The following TDRP variants were observed in gnomAD, a reference collection of about 807,000 sequenced individuals.
The protein encoded by TDRP is testis development related protein, also known as testis development-related protein.
Under a neutral mutation model 10.5 loss-of-function variants are expected in TDRP, and 12 were observed. The ratio of observed to expected loss-of-function variants is 1.15; its 90% CI spans 0.73 to 1.86. The LOEUF (loss-of-function observed/expected upper bound fraction) is 1.86. Among genes scored for constraint, TDRP ranks in the 40% most tolerant of loss-of-function variants. The pLI, the probability that TDRP is intolerant of heterozygous loss-of-function variation, is 0.00. For missense variants in TDRP, 353 were observed against 229.2 expected (o/e 1.54, Z -3.49); for synonymous variants, 139 against 95.4 (o/e 1.46, Z -2.67).
chr8:523,568 C>A (rs545082033), intron 1 of TDRP, among the ~76,000 whole-genome samples: 3 of 152,226 alleles, frequency 2.0e-5, no homozygotes, highest in Admixed American at 1.3e-4. Context: ...GGGGAACCCA[C>A]TGCCCTGAAG....
chr8:539,877 C>T (rs1468431890), intron 1 of TDRP, among the ~76,000 whole-genome samples: 11 of 152,234 alleles, frequency 7.2e-5, no homozygotes. Context: ...CTCTCCCCAT[C>T]TCCAAGCATG....
intron 1 of TDRP, among the ~76,000 whole-genome samples, chr8:527,774 A>G (rs1220643054): frequency 2.0e-5 from 3 of 152,230 alleles, no homozygotes; most frequent in Non-Finnish European, 4.4e-5. Flanking sequence ...AAAATGGATT[A>G]AAGACTTAAA....
At chr8:509,399 C>CT (rs1172596885) in intron 1 of TDRP, among the ~76,000 whole-genome samples, 1 of 152,234 alleles carries the variant, frequency 6.6e-6, no homozygotes, top group African/African-American at 2.4e-5. Flanking sequence ...CCATACATCT[C>CT]TGAAATCTAG....
intron 1 of TDRP, among the ~76,000 whole-genome samples, chr8:501,306 A>G (rs1441704909): frequency 6.6e-6 from 1 of 152,064 alleles, no homozygotes; most frequent in Non-Finnish European, 1.5e-5. Flanking sequence ...AGTCCATGTA[A>G]TTTTAGTATT....
At chr8:536,343 T>A (rs112669569) in intron 1 of TDRP, among the ~76,000 whole-genome samples, 9 of 152,206 alleles carry the variant, frequency 5.9e-5, no homozygotes, top group African/African-American at 2.2e-4. Flanking sequence ...TCCAAATCAG[T>A]TGGCATTCAC....
At chr8:541,783 G>A (rs1182652318) in intron 1 of TDRP, among the ~76,000 whole-genome samples, 2 of 152,164 alleles carry the variant, frequency 1.3e-5, no homozygotes, top group Non-Finnish European at 2.9e-5. Flanking sequence ...GGAGCAAAAG[G>A]AAATCTCATT....
At chr8:523,083 G>C (rs779679320) in intron 1 of TDRP, among the ~76,000 whole-genome samples, 1 of 152,106 alleles carries the variant, frequency 6.6e-6, no homozygotes, top group South Asian at 2.1e-4. Context: ...AAGTCTTGTA[G>C]TAATTTTGAC....
intron 1 of TDRP, among the ~76,000 whole-genome samples, chr8:509,600 C>A (rs751749710): frequency 6.6e-6 from 1 of 152,234 alleles, no homozygotes; most frequent in Admixed American, 6.5e-5. Context: ...GCAAGGGAGC[C>A]CTGGATCTGG....
At chr8:525,807 G>C (rs1405871931) in intron 1 of TDRP, among the ~76,000 whole-genome samples, 1 of 152,182 alleles carries the variant, frequency 6.6e-6, no homozygotes, top group African/African-American at 2.4e-5. Context: ...AATGGCAGGA[G>C]TAAGTCATTA....
chr8:519,274 A>C (rs114820729), intron 1 of TDRP, among the ~76,000 whole-genome samples: 12 of 152,110 alleles, frequency 7.9e-5, no homozygotes, highest in African/African-American at 2.4e-4. Flanking sequence ...CCCCTTTGCT[A>C]TCTCTCTTCT....
intron 1 of TDRP, among the ~76,000 whole-genome samples, chr8:506,241 T>A (rs1332364475): frequency 6.6e-6 from 1 of 152,166 alleles, no homozygotes; most frequent in Non-Finnish European, 1.5e-5. Flanking sequence ...TGAAGAAATA[T>A]CTATTCATGA....
chr8:544,980 G>A (rs559466526), upstream of TDRP: 54 of 262,166 alleles, frequency 2.1e-4, no homozygotes, highest in East Asian at 2.4e-3. Flanking sequence ...ACCATCCCCA[G>A]AACCAGGCCC....
intron 1 of TDRP, among the ~76,000 whole-genome samples, chr8:511,303 A>G (rs1212745185): frequency 6.6e-6 from 1 of 151,950 alleles, no homozygotes; most frequent in Non-Finnish European, 1.5e-5. Context: ...ATATGCAAAC[A>G]GCAAACACAA....
At chr8:531,334 C>T (rs192782683) in intron 1 of TDRP, among the ~76,000 whole-genome samples, 1 of 152,268 alleles carries the variant, frequency 6.6e-6, no homozygotes, top group Non-Finnish European at 1.5e-5. Flanking sequence ...CTTTCCACTC[C>T]ACCATTGTGC....
chr8:538,396 G>A (rs1802400852), intron 1 of TDRP, among the ~76,000 whole-genome samples: 1 of 152,204 alleles, frequency 6.6e-6, no homozygotes, highest in Admixed American at 6.5e-5. Flanking sequence ...GTTGGCAGCT[G>A]TGTAGCCTTC....
At chr8:523,891 G>A (rs1315619530) in intron 1 of TDRP, among the ~76,000 whole-genome samples, 1 of 152,186 alleles carries the variant, frequency 6.6e-6, no homozygotes, top group Non-Finnish European at 1.5e-5. Flanking sequence ...CTGAAAGGAA[G>A]GATATAAGCC....
chr8:542,463 G>C (rs899538461), intron 1 of TDRP, among the ~76,000 whole-genome samples: 4 of 152,106 alleles, frequency 2.6e-5, no homozygotes, highest in African/African-American at 9.7e-5. Context: ...GGATCCATGA[G>C]AACTCTCTGT....
chr8:530,771 G>A lies in TDRP; in HGVS notation c.108+13879C>T, dbSNP rs571396957. The stretch of plus-strand genomic sequence containing the variant: ...TGGTTCTCTCAGCGCTCTGAGTCAG[G>A]CAAAACAGGAATCAGTCTCTTGGGC... On this transcript the variant is annotated intron_variant, in intron 1 of 2. Coordinates refer to ENST00000324079, the MANE Select transcript of TDRP (RefSeq NM_001384899.1). 2.6e-5 allele frequency among the ~76,000 whole-genome samples: 4 copies of A among 152,236 alleles called. No homozygotes were observed. The Middle Eastern group carries it at 0.01, about 388-fold the overall frequency.
intron 1 of TDRP, among the ~76,000 whole-genome samples, chr8:523,845 C>G (rs971232576): frequency 6.6e-6 from 1 of 152,138 alleles, no homozygotes; most frequent in African/African-American, 2.4e-5. Flanking sequence ...GACAGCATCC[C>G]TAGATACATC....
Sources: allele counts gnomAD v4.1 joint callset (sites outside exome capture counted in the v4.1 genomes callset), GRCh38; gene constraint gnomAD v4.1.1; transcripts MANE v1.5; gene names NCBI Gene and HGNC (gene_info 2026-07-23, HGNC 2026-07-21).